The following MCF2L variants were observed in gnomAD, a reference collection of about 807,000 sequenced individuals.
The protein encoded by MCF2L is MCF.2 cell line derived transforming sequence like.
In MCF2L, 97 loss-of-function variants were observed where a neutral mutation model predicts 153.4. The ratio of observed to expected loss-of-function variants is 0.63; its 90% CI spans 0.54 to 0.75. The LOEUF (loss-of-function observed/expected upper bound fraction) is 0.75. Among genes scored for constraint, MCF2L ranks in the 30% least tolerant of loss-of-function variants. The pLI, the probability that MCF2L is intolerant of heterozygous loss-of-function variation, is 0.00. For synonymous variants in MCF2L, 659 were observed against 632.2 expected, an observed-to-expected ratio of 1.04 and a Z score of -0.64; for missense variants, 1,347 against 1,495.2, an observed-to-expected ratio of 0.90 and a Z score of 1.64.
intron 2 of MCF2L, among the ~76,000 whole-genome samples, chr13:112,919,016 T>C (rs2081325931): frequency 1.3e-5 from 2 of 152,230 alleles, no homozygotes; most frequent in Admixed American, 6.5e-5. Context: ...CAGACCTCTA[T>C]GCTGACACCT....
chr13:113,003,742 G>A lies in MCF2L; in HGVS notation c.80-11021G>A, dbSNP rs531585292. On this transcript the variant is annotated intron_variant, in intron 1 of 29. Transcript: ENST00000535094. Reference sequence around the variant, plus strand: ...TCTTAGGGTACATTGAAGAAGCATTGTCGGTGCCAGGGTCAGCCAGGGTCA... The same window carrying A: ...TCTTAGGGTACATTGAAGAAGCATTATCGGTGCCAGGGTCAGCCAGGGTCA... Among the ~76,000 whole-genome samples, 3 of 152,314 alleles carry A rather than the reference G, an allele frequency of 2.0e-5. No homozygotes were observed. In the East Asian group the frequency reaches 5.8e-4, roughly 29 times the overall value.
Position 112,916,554 on chromosome 13 carries a change from G to A in MCF2L, c.169+14183G>A, listed in dbSNP as rs117333731. On this transcript the variant is annotated intron_variant, in intron 2 of 29. Transcript: ENST00000375608. ...GTCACGCCCTGACCCCTCGGCTCCC[G>A]TGTCCTCTGACTTCCTTGCACCAGC... Among the ~76,000 whole-genome samples, 39 of 152,254 alleles carry A rather than the reference G, an allele frequency of 2.6e-4. No homozygotes were observed. The East Asian group carries it at 5.8e-3, about 23-fold the overall frequency.
At chr13:113,076,820 CG>C (rs2033530898) in intron 12 of MCF2L, among the ~76,000 whole-genome samples, 2 of 152,248 alleles carry the variant, frequency 1.3e-5, no homozygotes, top group African/African-American at 4.8e-5. Flanking sequence ...GCCCCTCCCT[CG>C]CATGGAGCTG....
At position 112,932,917 on chromosome 13, in the gene MCF2L, G is replaced by A. The variant is rs1190424561; in HGVS notation, c.169+30546G>A. On this transcript the variant is annotated intron_variant, in intron 2 of 29. Coordinates refer to the MCF2L transcript ENST00000375608. The surrounding 1 kb of genome is among the most constrained non-coding windows in gnomAD (Gnocchi z 4.6). ...GTGGTGACACACACCTGTAATCCCA[G>A]CTACCCAGGAGGCTGAGACAGGAGA... 6.6e-6 allele frequency among the ~76,000 whole-genome samples: 1 copy of A among 152,108 alleles called. No individual in the cohort carries two copies. The highest frequency in any genetic ancestry group is 1.5e-5 in the Non-Finnish European group (1 of 67,978).
At chr13:112,997,056 T>C (rs1480825008) in intron 1 of MCF2L, among the ~76,000 whole-genome samples, 1 of 152,212 alleles carries the variant, frequency 6.6e-6, no homozygotes, top group African/African-American at 2.4e-5. Context: ...TGCACTGCTT[T>C]CCCAGCTGAG....
At chr13:112,978,600 C>T (rs1460378416) in intron 1 of MCF2L, among the ~76,000 whole-genome samples, 1 of 152,206 alleles carries the variant, frequency 6.6e-6, no homozygotes. Context: ...GGCAGGGACC[C>T]TCCATACGTT....
intron 2 of MCF2L, among the ~76,000 whole-genome samples, chr13:112,922,334 A>G (rs986996213): frequency 6.6e-6 from 1 of 152,208 alleles, no homozygotes; most frequent in African/African-American, 2.4e-5. Flanking sequence ...AGATCTCTAA[A>G]GATCATACAA....
rs1465351733 is a variant in MCF2L at position 113,099,389 on chromosome 13, T to G, written c.*2530T>G. 1 of 152,212 alleles carries G rather than the reference T, an allele frequency of 6.6e-6. No homozygotes were observed. The highest frequency in any genetic ancestry group is 2.4e-5 in the African/African-American group (1 of 41,450). The allele number at this position is 152,212 out of a possible 1,614,324, so 9.4% of individuals were successfully genotyped here. ...AACACTGTTTGGCAATTTAAAAGCT[T>G]GTTTCTAACTCACGGGATGCGGGCA... On this transcript the variant is annotated 3_prime_UTR_variant, in exon 30 of 30. Coordinates refer to ENST00000535094, the MANE Select transcript of MCF2L (RefSeq NM_001112732.3).
In MCF2L at chr13:113,046,618, C is replaced by T. The variant is rs1210820316; in HGVS notation, c.369+1257C>T. 3.8e-6 allele frequency: 2 copies of T among 533,298 alleles called. No individual in the cohort carries two copies. The highest frequency in any genetic ancestry group is 7.7e-6 in the Non-Finnish European group (2 of 259,948). The allele number at this position is 533,298 out of a possible 1,614,324, so 33.0% of individuals were successfully genotyped here. A position where few individuals can be genotyped will look rare whatever the true frequency, so the allele number is the denominator to read the frequency against. ...ACAAGAATTAGAGGCCCCATATCTGCTCCGATGCCCACAACCTTCATCGTT... is the reference window on the plus strand; with the variant it reads ...ACAAGAATTAGAGGCCCCATATCTGTTCCGATGCCCACAACCTTCATCGTT... On this transcript the variant is annotated intron_variant, in intron 4 of 29. Transcript: ENST00000535094. This position sits in a 1 kb window ranked among gnomAD's most constrained non-coding sequence, Gnocchi z 4.4.
At chr13:112,952,175 G>A (rs2140714317) in intron 2 of MCF2L, among the ~76,000 whole-genome samples, 2 of 152,300 alleles carry the variant, frequency 1.3e-5, no homozygotes, top group South Asian at 2.1e-4. Context: ...CAGTTCTAAG[G>A]TTGAATCGGG....
chr13:112,981,622 G>C (rs1208303277), intron 1 of MCF2L, among the ~76,000 whole-genome samples: 1 of 152,236 alleles, frequency 6.6e-6, no homozygotes, highest in South Asian at 2.1e-4. Context: ...GGCAGACTCT[G>C]GGTCCCTGGG....
At chr13:113,063,634 T>C (rs2031906266) in intron 5 of MCF2L, among the ~76,000 whole-genome samples, 1 of 152,212 alleles carries the variant, frequency 6.6e-6, no homozygotes, top group Non-Finnish European at 1.5e-5. Flanking sequence ...TCAGGGGTTA[T>C]TTGACACCAC....
At position 113,041,644 on chromosome 13, in the gene MCF2L, G is replaced by A. The variant is rs140143518; in HGVS notation, c.279-3627G>A. 5.7e-3 allele frequency among the ~76,000 whole-genome samples: 867 copies of A among 152,290 alleles called. 11 individuals carry two copies. The highest frequency in any genetic ancestry group is 0.019 in the African/African-American group (806 of 41,552). On this transcript the variant is annotated intron_variant, in intron 3 of 29. Coordinates refer to ENST00000535094, the MANE Select transcript of MCF2L (RefSeq NM_001112732.3). ...TGCTAGGGGCTCTTTACATCCTCACGTCAGAGGCTTTTTTAGTCCAGGCTT... is the reference window on the plus strand; with the variant it reads ...TGCTAGGGGCTCTTTACATCCTCACATCAGAGGCTTTTTTAGTCCAGGCTT...
chr13:112,997,106 C>T (rs566424895), intron 1 of MCF2L, among the ~76,000 whole-genome samples: 4 of 152,372 alleles, frequency 2.6e-5, no homozygotes, highest in Non-Finnish European at 5.9e-5. Flanking sequence ...GAGATCATCT[C>T]GTCCTCACGT....
At chr13:113,078,554 A>G in intron 14 of MCF2L, 112 bp from the exon 15 acceptor site, 1 of 1,381,022 alleles carries the variant, frequency 7.2e-7, no homozygotes, top group Non-Finnish European at 1.0e-6. Context: ...CCAGCTCCCC[A>G]TCGTGGGAAT....
At position 112,902,250 on chromosome 13, in the gene MCF2L, C is replaced by T. The variant is rs1176818374; in HGVS notation, c.48C>T (p.Asn16=). 2.5e-6 allele frequency: 4 copies of T among 1,612,698 alleles called. No homozygotes were observed. In the African/African-American group the frequency reaches 4.0e-5, roughly 16 times the overall value. The change falls in exon 2 of 30, where the codon AAC becomes AAT. Residue 16 remains asparagine (N), a synonymous_variant. Transcript: ENST00000375608. ...TCCTGTGCAAGAGACCTGGAAGCAA[C>T]AGTTATTCTTCCCCACAACGGCCCA...
chr13:112,985,243 G>T (rs2082587209), intron 1 of MCF2L: 1 of 384,136 alleles, frequency 2.6e-6, no homozygotes, highest in Non-Finnish European at 5.4e-6. Flanking sequence ...CAGGTAGTGG[G>T]TGAAATGAAA....
At chr13:113,000,435 C>T (rs1405399001) in intron 1 of MCF2L, among the ~76,000 whole-genome samples, 1 of 152,206 alleles carries the variant, frequency 6.6e-6, no homozygotes, top group African/African-American at 2.4e-5. Context: ...GTGGAGGAAG[C>T]AGTGGCCCCT....
rs1050627452 is a variant in MCF2L, at chr13:113,064,242, G to A, written c.490-62G>A. ...TGCTGCTGGGTGTTCTGCTGATGGG[G>A]CAGCTCTTTTGGGAGCCAACAATAA... On this transcript the variant is annotated intron_variant, in intron 5 of 29. Coordinates refer to ENST00000535094, the MANE Select transcript of MCF2L (RefSeq NM_001112732.3). This position sits in a 1 kb window ranked among gnomAD's most constrained non-coding sequence, Gnocchi z 6.0. 18 of 1,219,534 alleles carry A rather than the reference G, an allele frequency of 1.5e-5. No individual in the cohort carries two copies. In the African/African-American group the frequency reaches 2.2e-4, roughly 15 times the overall value. 75.5% of individuals were successfully genotyped at this position (1,219,534 alleles called of 1,614,324 possible).
Sources: allele counts gnomAD v4.1 joint callset (sites outside exome capture counted in the v4.1 genomes callset), GRCh38; gene constraint gnomAD v4.1.1; non-coding constraint Gnocchi (gnomAD v3.1); transcripts MANE v1.5; gene names NCBI Gene and HGNC (gene_info 2026-07-23, HGNC 2026-07-21).